The following ZFAND6 variants were observed in gnomAD, a reference collection of about 807,000 sequenced individuals.
ZFAND6 encodes the protein zinc finger AN1-type containing 6, also known as AN1-type zinc finger protein 6.
Under a neutral mutation model 24.5 loss-of-function variants are expected in ZFAND6, and 12 were observed. The observed-to-expected ratio is 0.49, with a 90% CI of 0.31 to 0.79. The LOEUF is 0.79. ZFAND6 is among the 30% of genes least tolerant of loss of function. The probability of loss-of-function intolerance (pLI) is 0.04; values close to 1 mark genes in which losing one functional copy is unlikely to be tolerated. For missense variants in ZFAND6, 207 were observed against 245.9 expected (o/e 0.84, Z 1.06); for synonymous variants, 92 against 81.5 (o/e 1.13, Z -0.69).
intron 2 of ZFAND6, chr15:80,112,707 A>G (rs914122177): frequency 8.9e-6 from 4 of 447,764 alleles, no homozygotes; most frequent in Middle Eastern, 3.3e-4. Flanking sequence ...GATTTTTTTT[A>G]TCATCTCTGC....
At chr15:80,135,945 G>A (rs2040840787) in intron 6 of ZFAND6, among the ~76,000 whole-genome samples, 1 of 152,162 alleles carries the variant, frequency 6.6e-6, no homozygotes, top group Admixed American at 6.5e-5. Flanking sequence ...ACTACATAGT[G>A]AGACTCAGTC....
intron 1 of ZFAND6, among the ~76,000 whole-genome samples, chr15:80,085,310 G>A (rs532279835): frequency 3.1e-4 from 47 of 152,148 alleles, no homozygotes; most frequent in Non-Finnish European, 6.0e-4. Flanking sequence ...CTGGGATTTG[G>A]GTCTGTTTTA....
rs747926672 is a variant in ZFAND6 at position 80,117,370 on chromosome 15, C to CT, written c.-17-2957dup. On this transcript the variant is annotated intron_variant, in intron 2 of 6. Coordinates refer to ENST00000261749, the MANE Select transcript of ZFAND6 (RefSeq NM_019006.4). ...CCTGAGGAGCTGGGATTACAGGCTC[C>CT]TGCCGCTATGCCTGGCTGATTTTTT... Among the ~76,000 whole-genome samples the CT allele has an allele frequency of 7.9e-5, 12 of 152,218 alleles. No homozygotes were observed. The East Asian group carries it at 2.3e-3, about 29-fold the overall frequency.
At chr15:80,112,085 C>A (rs1362223544) in intron 2 of ZFAND6, among the ~76,000 whole-genome samples, 4 of 152,042 alleles carry the variant, frequency 2.6e-5, no homozygotes, top group African/African-American at 7.2e-5. Flanking sequence ...CATGGTGAAA[C>A]CCCCATCTCT....
At chr15:80,106,430 A>G (rs2039328887) in intron 2 of ZFAND6, among the ~76,000 whole-genome samples, 1 of 152,170 alleles carries the variant, frequency 6.6e-6, no homozygotes, top group South Asian at 2.1e-4. Context: ...TTTACTGTAA[A>G]GGCGAAATTG....
chr15:80,104,135 C>G (rs938546855), intron 2 of ZFAND6, among the ~76,000 whole-genome samples: 25 of 152,050 alleles, frequency 1.6e-4, no homozygotes, highest in Admixed American at 1.2e-3. Context: ...AGCCACCGCC[C>G]CTGGCCGGAT....
At chr15:80,094,690 C>T (rs1434475514) in intron 1 of ZFAND6, among the ~76,000 whole-genome samples, 1 of 152,158 alleles carries the variant, frequency 6.6e-6, no homozygotes, top group East Asian at 1.9e-4. Flanking sequence ...AGGACCTTCT[C>T]TTGTATAACT....
In ZFAND6 at chr15:80,086,121, C is replaced by T. The variant is rs534890802; in HGVS notation, c.-180-12295C>T. ...TGGCGCGATCTCAGCCCACTGCAAC[C>T]TCCGTCTGCCGGGTTCGAGTGATTC... On this transcript the variant is annotated intron_variant, in intron 1 of 6. Transcript: ENST00000261749. Among the ~76,000 whole-genome samples, 147 of 152,302 alleles carry T rather than the reference C, an allele frequency of 9.7e-4. 1 individual carries two copies. Among genetic ancestry groups the T allele is most frequent in the South Asian group, 5.4e-3 (26 of 4,828 alleles).
At chr15:80,127,011 G>A (rs2040396402) in intron 5 of ZFAND6, among the ~76,000 whole-genome samples, 2 of 152,070 alleles carry the variant, frequency 1.3e-5, no homozygotes, top group African/African-American at 2.4e-5. Context: ...GGGAGGCTGA[G>A]GTGGGAGGAT....
chr15:80,067,913 A>T (rs2036740987), intron 1 of ZFAND6, among the ~76,000 whole-genome samples: 1 of 152,172 alleles, frequency 6.6e-6, no homozygotes, highest in Non-Finnish European at 1.5e-5. Context: ...GATATTTTAC[A>T]TGTATTGTGT....
intron 2 of ZFAND6, among the ~76,000 whole-genome samples, chr15:80,115,969 GT>G (rs1450326320): frequency 1.8e-4 from 27 of 152,000 alleles, no homozygotes; most frequent in Non-Finnish European, 2.9e-5. Context: ...CATTGGGAGA[GT>G]TCCTTTAATT....
intron 1 of ZFAND6, chr15:80,060,313 C>T (rs2036260779): frequency 6.6e-6 from 1 of 152,184 alleles, no homozygotes; most frequent in African/African-American, 2.4e-5. Context: ...AGCCCGGTGT[C>T]TCCAACTCCT....
chr15:80,092,985 C>T (rs1470626281), intron 1 of ZFAND6, among the ~76,000 whole-genome samples: 3 of 148,442 alleles, frequency 2.0e-5, no homozygotes, highest in African/African-American at 2.5e-5. Context: ...GACAGAGTGT[C>T]GCTCTCTCAC....
At chr15:80,075,965 G>A (rs1204333659) in intron 1 of ZFAND6, among the ~76,000 whole-genome samples, 1 of 151,950 alleles carries the variant, frequency 6.6e-6, no homozygotes, top group African/African-American at 2.4e-5. Flanking sequence ...GCAACATTTA[G>A]TGCCATTGAC....
intron 2 of ZFAND6, among the ~76,000 whole-genome samples, chr15:80,117,967 A>G (rs945867210): frequency 3.3e-5 from 5 of 151,934 alleles, no homozygotes; most frequent in African/African-American, 1.2e-4. Context: ...TTTGAGAATC[A>G]TTGACGACTT....
intron 2 of ZFAND6, among the ~76,000 whole-genome samples, chr15:80,104,512 C>T (rs1048675224): frequency 1.4e-5 from 2 of 144,022 alleles, no homozygotes; most frequent in Non-Finnish European, 1.5e-5. Flanking sequence ...GAGTGAGACC[C>T]TGTCTCAAAT....
chr15:80,124,283 A>G (rs967262739), intron 5 of ZFAND6, among the ~76,000 whole-genome samples: 1 of 152,190 alleles, frequency 6.6e-6, no homozygotes, highest in Non-Finnish European at 1.5e-5. Flanking sequence ...AATACAAAAA[A>G]TTAGCTGGGC....
Position 80,137,835 on chromosome 15 carries a change from GTAT to G in ZFAND6, c.*211_*213del, listed in dbSNP as rs774733249. 5.1e-5 allele frequency: 23 copies of G among 446,826 alleles called. No individual in the cohort carries two copies. The highest frequency in any genetic ancestry group is 8.9e-5 in the Admixed American group (2 of 22,588). The allele number at this position is 446,826 out of a possible 1,614,324, so 27.7% of individuals were successfully genotyped here. ...GGCTGAGGAGACTTAAACTTTACAA[GTAT>G]TATCCTTTTAAGATCATTTTAATTT... is the stretch of plus-strand genomic sequence containing the variant. On this transcript the variant is annotated 3_prime_UTR_variant, in exon 7 of 7. Coordinates refer to ENST00000261749, the MANE Select transcript of ZFAND6 (RefSeq NM_019006.4).
intron 1 of ZFAND6, among the ~76,000 whole-genome samples, chr15:80,074,415 C>G (rs1329318932): frequency 1.3e-5 from 2 of 151,712 alleles, no homozygotes; most frequent in Non-Finnish European, 3.0e-5. Context: ...GAAATATTTT[C>G]TTTCAAGAAA....
Sources: gnomAD v4.1 joint callset for allele counts (sites outside exome capture counted in the v4.1 genomes callset) on GRCh38, gnomAD v4.1.1 for gene constraint, MANE v1.5 for transcripts, NCBI Gene and HGNC (gene_info 2026-07-23, HGNC 2026-07-21) for gene names.